CALN1: variants seen among roughly 807,000 people sequenced by gnomAD.
CALN1 encodes calcium-binding protein 8.
In CALN1, 17 loss-of-function variants were observed where a neutral mutation model predicts 30.6. The ratio of observed to expected loss-of-function variants is 0.56; its 90% confidence interval spans 0.38 to 0.83. The LOEUF is 0.83. Among genes scored for constraint, CALN1 ranks in the 40% least tolerant of loss-of-function variants. CALN1 has a pLI of 0.00. For synonymous variants in CALN1, 156 were observed against 131.4 expected (o/e 1.19, Z -1.28); for missense variants, 291 against 354.9 (o/e 0.82, Z 1.45).
chr7:72,115,623 G>A (rs1807929915), intron 3 of CALN1, among the ~76,000 whole-genome samples: 3 of 150,874 alleles, frequency 2.0e-5, no homozygotes, highest in South Asian at 2.1e-4. Flanking sequence ...TAAGTAGCTG[G>A]GATCACAGGT....
chr7:71,813,151 G>T (rs1788063357), intron 5 of CALN1, among the ~76,000 whole-genome samples: 1 of 151,092 alleles, frequency 6.6e-6, no homozygotes, highest in Non-Finnish European at 1.5e-5. Flanking sequence ...GTCTGGCTAT[G>T]TTGCCTGCCT....
In CALN1 at chr7:72,278,794, G is replaced by A. The variant is rs777702619; in HGVS notation, c.136C>T (p.His46Tyr). The A allele has an allele frequency of 6.2e-7, 1 of 1,613,342 alleles. No homozygotes were observed. The highest frequency in any genetic ancestry group is 1.7e-5 in the Admixed American group (1 of 60,018). ...TACAACAAGCCGGCGGTCACATGGTGGAACGGCATCTTTTCCCTGCCCAAG... is the reference window on the plus strand; with the variant it reads ...TACAACAAGCCGGCGGTCACATGGTAGAACGGCATCTTTTCCCTGCCCAAG... ...DFPTWEKMPFHHVTAGLLYKG... is the reference protein window; with the variant it reads ...DFPTWEKMPFYHVTAGLLYKG... Residue 46 changes from histidine (H) to tyrosine (Y), a missense_variant, in exon 3 of 7, where the codon CAC (histidine) becomes TAC (tyrosine). Physicochemically the swap from His to Tyr is moderately conservative, Grantham distance 83. This residue lies in a region of CALN1 where 122 missense variants were observed against 103.2 expected (regional missense o/e 1.18). Coordinates refer to ENST00000395275, the MANE Select transcript of CALN1 (RefSeq NM_031468.4).
intron 4 of CALN1, among the ~76,000 whole-genome samples, chr7:72,064,635 T>C (rs1803893737): frequency 2.6e-5 from 4 of 152,234 alleles, no homozygotes; most frequent in Non-Finnish European, 5.9e-5. Context: ...AATCCTGACA[T>C]AGAATCTTCT....
At chr7:72,370,411 T>G (rs1257380675) in intron 2 of CALN1, among the ~76,000 whole-genome samples, 1 of 152,144 alleles carries the variant, frequency 6.6e-6, no homozygotes, top group Non-Finnish European at 1.5e-5. Context: ...GTGATTGACT[T>G]TGGGAGGCTG....
chr7:71,901,815 TAG>T (rs1244635551), intron 5 of CALN1, among the ~76,000 whole-genome samples: 8 of 152,284 alleles, frequency 5.3e-5, no homozygotes, highest in African/African-American at 1.7e-4. Context: ...ATTTAAATAC[TAG>T]AAGAAAACCT....
chr7:72,162,862 G>T (rs1006004231), intron 3 of CALN1, among the ~76,000 whole-genome samples: 1 of 152,218 alleles, frequency 6.6e-6, no homozygotes, highest in African/African-American at 2.4e-5. Flanking sequence ...AAGTCTTAAT[G>T]GATCAAGGTG....
intron 1 of CALN1, among the ~76,000 whole-genome samples, chr7:72,408,283 A>T (rs1806842471): frequency 6.9e-6 from 1 of 145,766 alleles, no homozygotes; most frequent in African/African-American, 2.4e-5. Flanking sequence ...AAAAAAAAAA[A>T]AAAAAAAATT....
intron 5 of CALN1, among the ~76,000 whole-genome samples, chr7:71,858,308 A>G (rs1202871629): frequency 1.3e-5 from 2 of 152,148 alleles, no homozygotes; most frequent in Non-Finnish European, 2.9e-5. Flanking sequence ...CTCCCCAGCC[A>G]TGCTGAACTG....
At chr7:72,402,422 C>T (rs1049449143) in intron 2 of CALN1, among the ~76,000 whole-genome samples, 3 of 152,192 alleles carry the variant, frequency 2.0e-5, no homozygotes, top group African/African-American at 4.8e-5. Context: ...CACTTACAGT[C>T]GCCACTGGAA....
intron 4 of CALN1, among the ~76,000 whole-genome samples, chr7:72,099,401 C>T (rs968370240): frequency 1.3e-5 from 2 of 150,586 alleles, no homozygotes; most frequent in African/African-American, 4.9e-5. Flanking sequence ...TAGGTAGGCT[C>T]GAATCTCTGG....
intron 3 of CALN1, among the ~76,000 whole-genome samples, chr7:72,187,095 T>G (rs905216728): frequency 4.6e-5 from 7 of 152,006 alleles, no homozygotes; most frequent in African/African-American, 1.7e-4. Context: ...CTTTAGCCAG[T>G]TAAAAGTTGC....
At chr7:72,044,197 C>T (rs1584812944) in intron 4 of CALN1, among the ~76,000 whole-genome samples, 4 of 152,152 alleles carry the variant, frequency 2.6e-5, no homozygotes, top group African/African-American at 4.8e-5. Flanking sequence ...CCTCTCTCCC[C>T]TCTCCTCCAA....
intron 2 of CALN1, among the ~76,000 whole-genome samples, chr7:72,371,255 T>C (rs1804226457): frequency 6.6e-6 from 1 of 152,182 alleles, no homozygotes. Context: ...TTAAGTTTTG[T>C]GAGATCTAAG....
intron 4 of CALN1, among the ~76,000 whole-genome samples, chr7:72,047,033 C>G (rs1406390293): frequency 6.6e-6 from 1 of 152,090 alleles, no homozygotes; most frequent in Non-Finnish European, 1.5e-5. Context: ...CTGCTACACT[C>G]TAGCCTGGAC....
chr7:71,945,626 C>A (rs10266751), intron 5 of CALN1, among the ~76,000 whole-genome samples: 52,485 of 151,682 alleles, frequency 0.35, 9,460 homozygotes, highest in African/African-American at 0.44. Flanking sequence ...AAACTGCACA[C>A]GCGAGGGATC....
At chr7:72,347,003 G>C (rs997175306) in intron 2 of CALN1, among the ~76,000 whole-genome samples, 20 of 152,256 alleles carry the variant, frequency 1.3e-4, no homozygotes, top group Admixed American at 9.8e-4. Context: ...AGAGAAAAGA[G>C]AGTAAGAGAG....
At chr7:71,920,327 GTTCT>G (rs1419188086) in intron 5 of CALN1, among the ~76,000 whole-genome samples, 3 of 127,418 alleles carry the variant, frequency 2.4e-5, no homozygotes, top group East Asian at 2.4e-4. Flanking sequence ...GGACAAATTA[GTTCT>G]TTTTTTTTTT....
At chr7:71,859,296 C>T (rs563792179) in intron 5 of CALN1, among the ~76,000 whole-genome samples, 1 of 152,278 alleles carries the variant, frequency 6.6e-6, no homozygotes, top group African/African-American at 2.4e-5. Context: ...CTCCTGACCT[C>T]AAGCAATCTG....
chr7:72,085,773 A>T (rs898212666), intron 4 of CALN1, among the ~76,000 whole-genome samples: 11 of 152,230 alleles, frequency 7.2e-5, no homozygotes, highest in African/African-American at 2.4e-4. Flanking sequence ...TATTTGAATT[A>T]TGTCTCACTT....
Sources: allele counts gnomAD v4.1 joint callset (sites outside exome capture counted in the v4.1 genomes callset), GRCh38; gene constraint gnomAD v4.1.1; regional missense constraint gnomAD v4.1.1; transcripts MANE v1.5; gene names NCBI Gene and HGNC (gene_info 2026-07-23, HGNC 2026-07-21).